Variants in RBM20 observed in about 807,000 individuals in gnomAD.
RBM20 encodes RNA-binding protein 20.
Under a neutral mutation model 110.1 loss-of-function variants are expected in RBM20, and 51 were observed. That is an observed-to-expected ratio of 0.46 (90% CI 0.37 to 0.59). The LOEUF is 0.59. Among genes scored for constraint, RBM20 ranks in the 20% least tolerant of loss-of-function variants. The pLI is 0.00. For missense variants in RBM20, 1,512 were observed against 1,574.9 expected (o/e 0.96, Z 0.68); for synonymous variants, 589 against 618.2 (o/e 0.95, Z 0.70).
Position 110,831,190 on chromosome 10 carries a change from T to A in RBM20, c.3573+8T>A, listed in dbSNP as rs1845047518. 6.4e-7 allele frequency: 1 copy of A among 1,550,508 alleles called. No individual in the cohort carries two copies. The highest frequency in any genetic ancestry group is 1.4e-5 in the African/African-American group (1 of 73,110). On this transcript the variant is annotated splice_region_variant and intron_variant, in intron 13 of 13. Transcript: ENST00000369519. ...CACTACAGGAACTTACAGGTAAAAA[T>A]CCACTCTCCTTGCCCAGCATGCCAG...
At chr10:110,667,800 A>G (rs1862200262) in intron 1 of RBM20, among the ~76,000 whole-genome samples, 1 of 152,172 alleles carries the variant, frequency 6.6e-6, no homozygotes, top group Admixed American at 6.5e-5. Context: ...CACTGATCAC[A>G]AAGCCATCCA....
At position 110,838,922 on chromosome 10, in the gene RBM20, C is replaced by T. The variant is rs538172715; in HGVS notation, c.*2944C>T. On this transcript the variant is annotated 3_prime_UTR_variant, in exon 14 of 14. Transcript: ENST00000369519. ...ACCCTATGATTTGCACTTTTTATTT[C>T]TATGTGTGCCACACACAATGCAGTA... 1 of 152,312 alleles carries T rather than the reference C, an allele frequency of 6.6e-6. No homozygotes were observed. Among genetic ancestry groups the T allele is most frequent in the South Asian group, 2.1e-4 (1 of 4,830 alleles). The allele number at this position is 152,312 out of a possible 1,614,324, so 9.4% of individuals were successfully genotyped here.
At chr10:110,789,629 G>A (rs1844460427) in intron 5 of RBM20, among the ~76,000 whole-genome samples, 1 of 151,852 alleles carries the variant, frequency 6.6e-6, no homozygotes, top group Non-Finnish European at 1.5e-5. Flanking sequence ...GCTAATTTTT[G>A]GAGAGACAGG....
rs939425427 is a variant in RBM20, at chr10:110,783,399, G to A, written c.1309G>A (p.Ala437Thr). 9.0e-6 allele frequency: 14 copies of A among 1,551,324 alleles called. No homozygotes were observed. The highest frequency in any genetic ancestry group is 2.4e-5 in the East Asian group (1 of 40,926). The part of the protein sequence containing the change: ...WELHVKGKLH[A>T]QKCLVFSENA... ...GCTGCATGTGAAAGGGAAGCTGCAC[G>A]CTCAGAAATGCCTGGTCTTCTCTGA... The change falls in exon 3 of 14, where the codon GCT becomes ACT. Residue 437 changes from alanine to threonine, a missense_variant. This residue lies in a region of RBM20 where 1,149 missense variants were observed against 1,169.4 expected (regional missense o/e 0.98). Transcript: ENST00000369519.
At chr10:110,824,681 AAGAAAGTTCCCTGGG>A (rs1844961058) in intron 12 of RBM20, among the ~76,000 whole-genome samples, 5 of 152,214 alleles carry the variant, frequency 3.3e-5, no homozygotes, top group Admixed American at 3.3e-4. Flanking sequence ...AAGGCACTTT[AAGAAAGTTCCCTGGG>A]AGATTCTGAC....
chr10:110,781,133 G>T lies in RBM20; in HGVS notation c.524G>T (p.Ser175Ile). The T allele has an allele frequency of 6.4e-7, 1 of 1,551,618 alleles. No homozygotes were observed. The change falls in exon 2 of 14, where the codon AGC becomes ATC. Residue 175 changes from serine (S) to isoleucine (I), a missense_variant. Physicochemically the swap from Ser to Ile is moderately radical, Grantham distance 142. Transcript: ENST00000369519. ...AATGCAATTGCCTTTTCACCCCCCAGCCAGACACGAGGCCCCGGACCCTCC... is the reference window on the plus strand; with the variant it reads ...AATGCAATTGCCTTTTCACCCCCCATCCAGACACGAGGCCCCGGACCCTCC... ...PSNAIAFSPP[S>I]QTRGPGPSMN... is the part of the protein sequence containing the mutation.
intron 1 of RBM20, among the ~76,000 whole-genome samples, chr10:110,771,584 G>A (rs1407393145): frequency 1.3e-5 from 2 of 152,356 alleles, no homozygotes; most frequent in East Asian, 1.9e-4. Context: ...AGCAGGTGGT[G>A]GAGTTAGAAG....
At chr10:110,646,514 G>A (rs548719544) in intron 1 of RBM20, among the ~76,000 whole-genome samples, 2 of 152,178 alleles carry the variant, frequency 1.3e-5, no homozygotes, top group Non-Finnish European at 2.9e-5. Context: ...CTTTACATTG[G>A]TGACGGATCA....
chr10:110,731,224 T>A (rs549883788), intron 1 of RBM20, among the ~76,000 whole-genome samples: 2 of 152,224 alleles, frequency 1.3e-5, no homozygotes, highest in South Asian at 4.1e-4. Context: ...CCTCCTTTCT[T>A]ATTTCCTCTC....
Position 110,812,894 on chromosome 10 carries a change from A to G in RBM20, c.2497A>G (p.Arg833Gly), listed in dbSNP as rs371116877. 5.5e-6 allele frequency: 8 copies of G among 1,463,906 alleles called. No homozygotes were observed. The highest frequency in any genetic ancestry group is 1.4e-5 in the African/African-American group (1 of 69,914). The allele number at this position is 1,463,906 out of a possible 1,614,324, so 90.7% of individuals were successfully genotyped here. The change falls in exon 9 of 14, where the codon AGA (arginine) becomes GGA (glycine). Residue 833 changes from arginine (R) to glycine (G), a missense_variant. Coordinates refer to ENST00000369519, the MANE Select transcript of RBM20 (RefSeq NM_001134363.3). ...GAAAAATAAAACCAAGAGAACTGAT[A>G]GAGACCAAGAAGGAGCTGATGATAG... The part of the protein sequence containing the change: ...NEKNKTKRTD[R>G]DQEGADDRKE...
chr10:110,782,203 G>A (rs1028165702), intron 2 of RBM20, among the ~76,000 whole-genome samples: 8 of 152,216 alleles, frequency 5.3e-5, no homozygotes, highest in South Asian at 2.1e-4. Flanking sequence ...CTGCCTTCTC[G>A]TGGAGGGCTT....
At chr10:110,797,750 G>A in intron 6 of RBM20, 102 bp downstream of exon 6, 5 of 1,267,570 alleles carry the variant, frequency 3.9e-6, no homozygotes, top group Non-Finnish European at 5.5e-6. Context: ...ACATAAAGAG[G>A]CGATGCCGTA....
chr10:110,806,736 A>G (rs1309915155), intron 7 of RBM20, among the ~76,000 whole-genome samples: 1 of 152,180 alleles, frequency 6.6e-6, no homozygotes, highest in Admixed American at 6.5e-5. Context: ...ACTTTTGTGT[A>G]TGTTTGAAAT....
intron 9 of RBM20, among the ~76,000 whole-genome samples, 197 bp downstream of exon 9, chr10:110,813,144 T>G (rs1417809055): frequency 6.6e-6 from 1 of 152,220 alleles, no homozygotes; most frequent in Non-Finnish European, 1.5e-5. Flanking sequence ...ACCTTTGAGC[T>G]TGGTACTATT....
At chr10:110,699,151 A>T (rs565549006) in intron 1 of RBM20, among the ~76,000 whole-genome samples, 1 of 151,942 alleles carries the variant, frequency 6.6e-6, no homozygotes, top group South Asian at 2.1e-4. Flanking sequence ...GATGGACTTA[A>T]CCTTTCCAGA....
chr10:110,735,793 A>G (rs746006308), intron 1 of RBM20, among the ~76,000 whole-genome samples: 5 of 152,244 alleles, frequency 3.3e-5, no homozygotes, highest in Non-Finnish European at 7.3e-5. Flanking sequence ...ACACTGACCC[A>G]TGCACGAAAG....
chr10:110,767,262 G>C (rs1441921634), intron 1 of RBM20, among the ~76,000 whole-genome samples: 1 of 133,334 alleles, frequency 7.5e-6, no homozygotes, highest in Non-Finnish European at 1.6e-5. Flanking sequence ...CGGGCAGAGG[G>C]GCTCCTCACT....
chr10:110,745,105 C>A (rs1295387444), intron 1 of RBM20, among the ~76,000 whole-genome samples: 3 of 152,218 alleles, frequency 2.0e-5, no homozygotes, highest in Non-Finnish European at 2.9e-5. Context: ...AAACCCTCTG[C>A]TTTTTCATCC....
At chr10:110,811,898 T>C (rs1414325604) in intron 8 of RBM20, among the ~76,000 whole-genome samples, 1 of 152,090 alleles carries the variant, frequency 6.6e-6, no homozygotes, top group Non-Finnish European at 1.5e-5. Flanking sequence ...TAGGGCAATC[T>C]TGCCCCCCAG....
Sources: gnomAD v4.1 joint callset for allele counts (sites outside exome capture counted in the v4.1 genomes callset) on GRCh38, gnomAD v4.1.1 for gene constraint, gnomAD v4.1.1 regional missense constraint, MANE v1.5 for transcripts, NCBI Gene and HGNC (gene_info 2026-07-23, HGNC 2026-07-21) for gene names.